Variants in NEB observed in about 807,000 individuals in gnomAD.
NEB encodes the protein nemaline myopathy type 2.
A neutral mutation model predicts 952.2 loss-of-function variants in NEB; 512 were observed. The ratio of observed to expected loss-of-function variants is 0.54; its 90% CI spans 0.50 to 0.58. The LOEUF (loss-of-function observed/expected upper bound fraction) is 0.58, where lower values mean the gene tolerates loss of function less well. Among genes scored for constraint, NEB ranks in the 20% least tolerant of loss-of-function variants. The pLI is 0.00. For synonymous variants in NEB, 2,900 were observed against 3,149.8 expected (o/e 0.92, Z 2.66); for missense variants, 8,428 against 9,231.1 (o/e 0.91, Z 3.56).
At chr2:151,708,994 C>T (rs1285749680) in intron 12 of NEB, among the ~76,000 whole-genome samples, 1 of 152,212 alleles carries the variant, frequency 6.6e-6, no homozygotes, top group Non-Finnish European at 1.5e-5. Context: ...CCTGCTTTCT[C>T]CAGCATAGCC....
At chr2:151,610,939 C>A in intron 78 of NEB, 73 bp from the exon 79 acceptor site, 1 of 909,466 alleles carries the variant, frequency 1.1e-6, no homozygotes, top group South Asian at 1.9e-5. Context: ...CCAATAACAT[C>A]ATTACAGTTG....
intron 9 of NEB, 147 bp from the exon 10 acceptor site, chr2:151,717,667 C>T (rs890121694): frequency 6.2e-6 from 4 of 648,448 alleles, no homozygotes; most frequent in Admixed American, 2.8e-5. Flanking sequence ...TTCTATTTTG[C>T]TGAATTTTCT....
intron 153 of NEB, 81 bp from the exon 154 acceptor site, chr2:151,519,849 C>A: frequency 1.1e-6 from 1 of 885,892 alleles, no homozygotes; most frequent in Non-Finnish European, 1.9e-6. Context: ...ACACAAATGC[C>A]AAAGAATATG....
chr2:151,712,290 C>A lies in NEB; in HGVS notation c.823-1752G>T, dbSNP rs1490074115. 2.6e-5 allele frequency among the ~76,000 whole-genome samples: 4 copies of A among 152,230 alleles called. No individual in the cohort carries two copies. The South Asian group carries it at 6.2e-4, about 24-fold the overall frequency. On this transcript the variant is annotated intron_variant, in intron 10 of 181. Coordinates refer to ENST00000397345, the MANE Select transcript of NEB (RefSeq NM_001164508.2). ...ATATAATTTAAAGTTGAGAAGGTAG[C>A]AGATATTCTTAATGAGGTCTAAATG...
Position 151,490,757 on chromosome 2 carries a change from A to C in NEB, c.25151-239T>G, listed in dbSNP as rs531472572. ...AGTTAAGTTGTACAGCCAGGTTTCA[A>C]ATCCAAGAGTCTATTTGTAACATCT... On this transcript the variant is annotated intron_variant, in intron 179 of 181. Coordinates refer to ENST00000397345, the MANE Select transcript of NEB (RefSeq NM_001164508.2). Among the ~76,000 whole-genome samples, 3 of 152,328 alleles carry C rather than the reference A, an allele frequency of 2.0e-5. No homozygotes were observed. The East Asian group carries it at 5.8e-4, about 29-fold the overall frequency.
At chr2:151,691,782 C>CA (rs1453934307) in intron 23 of NEB, 82 bp downstream of exon 23, 2 of 1,027,694 alleles carry the variant, frequency 1.9e-6, no homozygotes, top group Non-Finnish European at 3.0e-6. Flanking sequence ...TAGATATTAG[C>CA]ATGTAAACTC....
intron 85 of NEB, among the ~76,000 whole-genome samples, chr2:151,604,243 TC>T (rs1430824229): frequency 1.7e-5 from 2 of 118,818 alleles, no homozygotes; most frequent in Admixed American, 7.5e-5. Flanking sequence ...ATCCAACATT[TC>T]CTTATGCTTA....
chr2:151,534,086 T>TA, intron 142 of NEB: 1 of 694,772 alleles, frequency 1.4e-6, no homozygotes, highest in Non-Finnish European at 2.4e-6. Flanking sequence ...GCTAGACAGA[T>TA]ACTTTGAAAC....
In NEB at chr2:151,615,719, G is replaced by A. The variant is rs549261822; in HGVS notation, c.11289+283C>T. ...TTATTTATTTATTTTTTTTGAAGAC[G>A]GAGTGTTCAATTTCTGAAGCTCAAA... On this transcript the variant is annotated intron_variant, in intron 76 of 181. Coordinates refer to ENST00000397345, the MANE Select transcript of NEB (RefSeq NM_001164508.2). Among the ~76,000 whole-genome samples, 7 of 151,912 alleles carry A rather than the reference G, an allele frequency of 4.6e-5. No individual in the cohort carries two copies. In the East Asian group the frequency reaches 1.4e-3, roughly 29 times the overall value.
chr2:151,631,082 TCATTAAAGTATAATAA>T, intron 66 of NEB, 45 bp downstream of exon 66: 1 of 1,589,402 alleles, frequency 6.3e-7, no homozygotes, highest in Non-Finnish European at 8.6e-7. Flanking sequence ...ACTCCATTAG[TCATTAAAGTATAATAA>T]CATCTTCTGG....
rs965284145 is a variant in NEB, at chr2:151,719,972, G to A, written c.718-2452C>T. ...TTTTCATGGCTGGTTAAGTCCTTAG[G>A]GTAAAAGCAACATTTGAATAGGATA... On this transcript the variant is annotated intron_variant, in intron 9 of 181. Transcript: ENST00000397345. 1.3e-4 allele frequency among the ~76,000 whole-genome samples: 19 copies of A among 151,726 alleles called. 1 individual carries two copies. Among genetic ancestry groups the A allele is most frequent in the Non-Finnish European group, 2.1e-4 (14 of 67,968 alleles).
Position 151,620,935 on chromosome 2 carries a change from C to T in NEB, c.10544G>A (p.Arg3515Gln), listed in dbSNP as rs748799656. ...AIPIVAAKAS[R>Q]DIASDYKYKE... Reference sequence around the variant, plus strand: ...AGCTCTTACATCACTGGCAATATCCCGAGAGGCCTTGGCAGCCACAATGGG... The same window carrying T: ...AGCTCTTACATCACTGGCAATATCCTGAGAGGCCTTGGCAGCCACAATGGG... Residue 3515 changes from arginine to glutamine, a missense_variant, in exon 72 of 182, where the codon CGG (arginine) becomes CAG (glutamine). By Grantham distance (43) the Arg-to-Gln change is conservative. Transcript: ENST00000397345. The T allele has an allele frequency of 1.4e-5, 23 of 1,611,518 alleles. No individual in the cohort carries two copies. The highest frequency in any genetic ancestry group is 2.7e-5 in the African/African-American group (2 of 74,870).
intron 10 of NEB, among the ~76,000 whole-genome samples, chr2:151,713,422 T>C (rs2099750641): frequency 6.6e-6 from 1 of 152,166 alleles, no homozygotes; most frequent in South Asian, 2.1e-4. Context: ...TCTCTTCTGG[T>C]GAAATCAATG....
intron 52 of NEB, 46 bp from the exon 53 acceptor site, chr2:151,650,931 T>A: frequency 6.7e-7 from 1 of 1,499,828 alleles, no homozygotes; most frequent in African/African-American, 1.4e-5. Flanking sequence ...AAAGGCCAAG[T>A]TAAGCTCAAC....
At chr2:151,546,557 C>T (rs1295634172) in intron 133 of NEB, 114 bp from the exon 134 acceptor site, 35 of 352,254 alleles carry the variant, frequency 9.9e-5, no homozygotes, top group South Asian at 2.4e-4. Flanking sequence ...GGTTCATCTA[C>T]TTTTTTTTTT....
chr2:151,526,889 A>T, intron 148 of NEB, 29 bp downstream of exon 148: 3 of 1,439,798 alleles, frequency 2.1e-6, no homozygotes, highest in Non-Finnish European at 2.9e-6. Context: ...GAGTGAGGTT[A>T]GGCATCATGG....
At chr2:151,560,740 C>T (rs1454930642) in intron 123 of NEB, 41 bp from the exon 124 acceptor site, 3 of 1,472,210 alleles carry the variant, frequency 2.0e-6, no homozygotes, top group Admixed American at 1.9e-5. Context: ...TGGGAAAATG[C>T]ATCTGGTTAG....
At chr2:151,691,754 T>C in intron 23 of NEB, 110 bp downstream of exon 23, 1 of 866,020 alleles carries the variant, frequency 1.2e-6, no homozygotes, top group Non-Finnish European at 1.9e-6. Flanking sequence ...TAAAATGTAA[T>C]TATCTCCTTC....
intron 111 of NEB, 45 bp downstream of exon 111, chr2:151,568,573 T>C: frequency 6.7e-7 from 1 of 1,501,068 alleles, no homozygotes; most frequent in Non-Finnish European, 9.2e-7. Context: ...GCTTTGGAAG[T>C]GATATCTGCA....
Sources: gnomAD v4.1 joint callset for allele counts (sites outside exome capture counted in the v4.1 genomes callset) on GRCh38, gnomAD v4.1.1 for gene constraint, MANE v1.5 for transcripts, NCBI Gene and HGNC (gene_info 2026-07-23, HGNC 2026-07-21) for gene names.